The following NSD1 variants were observed in gnomAD, a reference collection of about 807,000 sequenced individuals.
NSD1 encodes the protein nuclear receptor binding SET domain protein 1, also known as histone-lysine N-methyltransferase, H3 lysine-36 specific.
A neutral mutation model predicts 242.7 loss-of-function variants in NSD1; 26 were observed. That is an observed-to-expected ratio of 0.11 (90% CI 0.08 to 0.15). The LOEUF is 0.15. Ranked by LOEUF, NSD1 falls within the 10% of genes least tolerant of loss-of-function variation. NSD1 has a pLI of 1.00. For missense variants in NSD1, 2,495 were observed against 3,272.8 expected (o/e 0.76, Z 5.80); for synonymous variants, 1,106 against 1,178.1 (o/e 0.94, Z 1.25).
At chr5:177,264,041 T>TTTTTTTTTTTTTTTTTC (rs1379338321) in intron 14 of NSD1, among the ~76,000 whole-genome samples, 1 of 127,600 alleles carries the variant, frequency 7.8e-6, no homozygotes, top group Non-Finnish European at 1.7e-5. Flanking sequence ...TTTTTTTTTT[T>TTTTTTTTTTTTTTTTTC]TTTTTTTTTT....
Position 177,295,119 on chromosome 5 carries a change from T to G in NSD1, c.7751T>G (p.Val2584Gly). 6.2e-7 allele frequency: 1 copy of G among 1,613,134 alleles called. No individual in the cohort carries two copies. The highest frequency in any genetic ancestry group is 8.5e-7 in the Non-Finnish European group (1 of 1,179,320). Residue 2584 changes from valine (V) to glycine (G), a missense_variant, in exon 23 of 23, where the codon GTC becomes GGC. Physicochemically the swap from Val to Gly is moderately radical, Grantham distance 109. Transcript: ENST00000439151. This position sits in a 1 kb window ranked among gnomAD's most constrained non-coding sequence, Gnocchi z 4.3. ...PGLVKQAKQM[V>G]GGQQLPALAA... is the part of the protein sequence containing the mutation. Reference sequence around the variant, plus strand: ...CTGGTGAAGCAGGCGAAGCAGATGGTCGGAGGCCAGCAACTACCTGCACTT... The same window carrying G: ...CTGGTGAAGCAGGCGAAGCAGATGGGCGGAGGCCAGCAACTACCTGCACTT...
intron 3 of NSD1, among the ~76,000 whole-genome samples, chr5:177,198,922 A>G (rs187241043): frequency 1.5e-3 from 236 of 152,302 alleles, no homozygotes; most frequent in African/African-American, 5.5e-3. Context: ...TTCCACACCC[A>G]TACGTGTTTG....
intron 20 of NSD1, among the ~76,000 whole-genome samples, chr5:177,287,697 C>T (rs1225161819): frequency 6.6e-6 from 1 of 152,004 alleles, no homozygotes; most frequent in Non-Finnish European, 1.5e-5. Flanking sequence ...AGATTCAATC[C>T]AGTTAAGTTC....
chr5:177,247,893 A>G (rs1766427174), intron 10 of NSD1: 2 of 983,508 alleles, frequency 2.0e-6, no homozygotes, highest in Non-Finnish European at 2.4e-6. Context: ...TAAGTAATCA[A>G]ATAAACTTAA....
chr5:177,288,631 T>C, intron 20 of NSD1, 188 bp from the exon 21 acceptor site: 1 of 554,030 alleles, frequency 1.8e-6, no homozygotes, highest in Non-Finnish European at 3.2e-6. Flanking sequence ...GCCATTTAAG[T>C]TTTCTCTGTT....
At position 177,166,665 on chromosome 5, in the gene NSD1, C is replaced by T. The variant is rs114041080; in HGVS notation, c.928-25219C>T. Among the ~76,000 whole-genome samples the T allele has an allele frequency of 4.9e-3, 745 of 151,552 alleles. 10 individuals carry two copies. The highest frequency in any genetic ancestry group is 7.1e-3 in the South Asian group (34 of 4,808). On this transcript the variant is annotated intron_variant, in intron 2 of 22. Coordinates refer to ENST00000439151, the MANE Select transcript of NSD1 (RefSeq NM_022455.5). ...CCTTTGCCAGATCTGAAATTATGAACCCTTATCCCTAAATTTTCTTATAAA... is the reference window on the plus strand; with the variant it reads ...CCTTTGCCAGATCTGAAATTATGAATCCTTATCCCTAAATTTTCTTATAAA...
chr5:177,216,102 A>G (rs957380521), intron 5 of NSD1, among the ~76,000 whole-genome samples: 1 of 152,100 alleles, frequency 6.6e-6, no homozygotes, highest in Non-Finnish European at 1.5e-5. Flanking sequence ...GGCTCAAATG[A>G]TGTTCCCACT....
At chr5:177,177,178 C>T (rs761859364) in intron 2 of NSD1, among the ~76,000 whole-genome samples, 2 of 152,090 alleles carry the variant, frequency 1.3e-5, no homozygotes, top group Non-Finnish European at 1.5e-5. Flanking sequence ...GACATTGTGT[C>T]TGCCCTCATG....
chr5:177,222,794 T>G (rs1378818326), intron 5 of NSD1, among the ~76,000 whole-genome samples: 1 of 152,200 alleles, frequency 6.6e-6, no homozygotes, highest in African/African-American at 2.4e-5. Flanking sequence ...TGGGTTTATT[T>G]GATACACACA....
At chr5:177,214,060 G>A (rs975235455) in intron 5 of NSD1, among the ~76,000 whole-genome samples, 7 of 151,890 alleles carry the variant, frequency 4.6e-5, no homozygotes, top group African/African-American at 7.3e-5. Flanking sequence ...GGCCAGGTGC[G>A]GTGGCTCACG....
Position 177,210,192 on chromosome 5 carries a change from T to C in NSD1, c.1793T>C (p.Leu598Ser). The change falls in exon 5 of 23, where the codon TTG becomes TCG. Residue 598 changes from leucine (L) to serine (S), a missense_variant. Physicochemically the swap from Leu to Ser is moderately radical, Grantham distance 145. Coordinates refer to ENST00000439151, the MANE Select transcript of NSD1 (RefSeq NM_022455.5). Reference sequence around the variant, plus strand: ...TTATTGGGCTTGCCTGAGGGTGCTTTGATCTCAAAGTGTTCTCGAGAGAAG... The same window carrying C: ...TTATTGGGCTTGCCTGAGGGTGCTTCGATCTCAAAGTGTTCTCGAGAGAAG... ...DSLLGLPEGA[L>S]ISKCSREKNK... 1 of 1,600,996 alleles carries C rather than the reference T, an allele frequency of 6.2e-7. No individual in the cohort carries two copies. The highest frequency in any genetic ancestry group is 2.2e-5 in the East Asian group (1 of 44,708).
intron 4 of NSD1, among the ~76,000 whole-genome samples, chr5:177,207,832 T>C (rs1419784119): frequency 2.6e-5 from 4 of 151,964 alleles, no homozygotes; most frequent in Non-Finnish European, 5.9e-5. Context: ...AACTTTCACC[T>C]CCTGGGCACA....
chr5:177,214,226 G>A (rs886469493), intron 5 of NSD1, among the ~76,000 whole-genome samples: 3 of 152,126 alleles, frequency 2.0e-5, no homozygotes, highest in African/African-American at 7.2e-5. Context: ...CAGCCACTCG[G>A]GAGGCTGAGG....
chr5:177,218,510 T>C (rs1293311387), intron 5 of NSD1, among the ~76,000 whole-genome samples: 1 of 152,178 alleles, frequency 6.6e-6, no homozygotes, highest in African/African-American at 2.4e-5. Context: ...ATTTTTTTTT[T>C]CTATTTTTGA....
intron 5 of NSD1, among the ~76,000 whole-genome samples, chr5:177,227,770 C>T (rs1420425406): frequency 2.6e-5 from 4 of 151,896 alleles, no homozygotes; most frequent in Non-Finnish European, 5.9e-5. Flanking sequence ...TTTAAAATAA[C>T]CTAAAACATG....
intron 9 of NSD1, among the ~76,000 whole-genome samples, chr5:177,244,632 C>T (rs1189584616): frequency 6.6e-6 from 1 of 152,168 alleles, no homozygotes; most frequent in Non-Finnish European, 1.5e-5. Flanking sequence ...CTTATCCACC[C>T]CAGGTTTTCT....
chr5:177,136,718 C>G (rs933343489), intron 2 of NSD1, among the ~76,000 whole-genome samples: 1 of 151,940 alleles, frequency 6.6e-6, no homozygotes, highest in African/African-American at 2.4e-5. Context: ...CTCACCCTCC[C>G]GAGTAGCTGG....
intron 14 of NSD1, chr5:177,266,182 T>C (rs1757435187): frequency 1.9e-6 from 2 of 1,052,600 alleles, no homozygotes; most frequent in African/African-American, 3.1e-5. Context: ...CATGGACTCG[T>C]AGAAGAGGCA....
intron 5 of NSD1, among the ~76,000 whole-genome samples, chr5:177,218,090 T>G (rs1581349673): frequency 6.6e-6 from 1 of 152,198 alleles, no homozygotes; most frequent in East Asian, 1.9e-4. Context: ...TTTTTAACCT[T>G]TTTGTACAGG....
Sources: gnomAD v4.1 joint callset for allele counts (sites outside exome capture counted in the v4.1 genomes callset) on GRCh38, gnomAD v4.1.1 for gene constraint, Gnocchi (gnomAD v3.1) non-coding constraint, MANE v1.5 for transcripts, NCBI Gene and HGNC (gene_info 2026-07-23, HGNC 2026-07-21) for gene names.